ANKHD1: variants seen among roughly 807,000 people sequenced by gnomAD.
ANKHD1 encodes ankyrin repeat and KH domain containing 1.
Under a neutral mutation model 230.5 loss-of-function variants are expected in ANKHD1, and 31 were observed. The observed-to-expected ratio is 0.13, with a 90% CI of 0.10 to 0.18. The LOEUF (loss-of-function observed/expected upper bound fraction) is 0.18. Among genes scored for constraint, ANKHD1 ranks in the 10% least tolerant of loss-of-function variants. The pLI is 1.00. For synonymous variants in ANKHD1, 1,074 were observed against 1,117.6 expected (o/e 0.96, Z 0.78); for missense variants, 2,256 against 3,071.3 (o/e 0.73, Z 6.27).
Position 140,539,436 on chromosome 5 carries a change from C to T in ANKHD1, c.*18C>T. The T allele has an allele frequency of 6.2e-7, 1 of 1,609,120 alleles. No homozygotes were observed. On this transcript the variant is annotated 3_prime_UTR_variant, in exon 34 of 34. Transcript: ENST00000360839. ...TCAACTAAGTTAGAAGGTCTTTACTCTTTAGCCTTGTTTAAGAAACCTATG... is the reference window on the plus strand; with the variant it reads ...TCAACTAAGTTAGAAGGTCTTTACTTTTTAGCCTTGTTTAAGAAACCTATG...
intron 4 of ANKHD1, among the ~76,000 whole-genome samples, chr5:140,440,685 G>A (rs1455198126): frequency 1.3e-5 from 2 of 152,102 alleles, no homozygotes; most frequent in Admixed American, 6.6e-5. Context: ...TGTCTTGTGA[G>A]TATAGTTTTG....
At chr5:140,438,434 T>C (rs1273511498) in intron 2 of ANKHD1, 27 bp from the exon 3 acceptor site, 3 of 1,565,318 alleles carry the variant, frequency 1.9e-6, no homozygotes, top group Admixed American at 3.8e-5. Context: ...TGTTCTGCAC[T>C]ACCTGATTGA....
intron 24 of ANKHD1, among the ~76,000 whole-genome samples, chr5:140,515,217 G>A (rs1317124951): frequency 2.0e-5 from 3 of 151,652 alleles, no homozygotes; most frequent in African/African-American, 7.3e-5. Context: ...GGCAGAAGTT[G>A]CAGTGAGCTG....
chr5:140,516,325 G>T (rs566220157), intron 24 of ANKHD1, among the ~76,000 whole-genome samples: 28 of 152,320 alleles, frequency 1.8e-4, no homozygotes, highest in African/African-American at 5.8e-4. Flanking sequence ...TCTGATTGGT[G>T]TACCTGAAAG....
intron 7 of ANKHD1, among the ~76,000 whole-genome samples, chr5:140,454,226 C>G (rs1225133638): frequency 6.6e-6 from 1 of 152,084 alleles, no homozygotes; most frequent in Non-Finnish European, 1.5e-5. Context: ...CCTTAGAGAC[C>G]TACAAAGAGA....
chr5:140,502,062 C>T (rs1382776125), intron 15 of ANKHD1, among the ~76,000 whole-genome samples: 1 of 150,762 alleles, frequency 6.6e-6, no homozygotes, highest in Admixed American at 6.6e-5. Flanking sequence ...AAAAGCATAC[C>T]GTATAAGTTT....
chr5:140,425,498 A>C (rs948633582), intron 1 of ANKHD1, among the ~76,000 whole-genome samples: 1 of 151,648 alleles, frequency 6.6e-6, no homozygotes, highest in African/African-American at 2.4e-5. Flanking sequence ...AGCTCAAGCA[A>C]TCTGCCCACC....
chr5:140,445,022 G>GT (rs200034609), intron 5 of ANKHD1, among the ~76,000 whole-genome samples: 2,674 of 151,080 alleles, frequency 0.018, 76 homozygotes, highest in African/African-American at 0.056. Flanking sequence ...TCCTGGCTCA[G>GT]TTTTTTTTTA....
At chr5:140,478,994 T>TA (rs1383403887) in intron 10 of ANKHD1, among the ~76,000 whole-genome samples, 7 of 35,622 alleles carry the variant, frequency 2.0e-4, no homozygotes, top group South Asian at 2.7e-3. Context: ...TTTTTTTTAA[T>TA]TTTTATTTAT....
At chr5:140,408,789 ACT>A (rs1770689705) in intron 1 of ANKHD1, among the ~76,000 whole-genome samples, 1 of 151,906 alleles carries the variant, frequency 6.6e-6, no homozygotes, top group Non-Finnish European at 1.5e-5. Context: ...CATGGTCATA[ACT>A]CTATGTGGTC....
chr5:140,410,223 C>A (rs999664578), intron 1 of ANKHD1, among the ~76,000 whole-genome samples: 1 of 151,712 alleles, frequency 6.6e-6, no homozygotes, highest in East Asian at 1.9e-4. Flanking sequence ...GTGTATTTTC[C>A]CTACTGTTAC....
At chr5:140,537,338 G>T (rs768136070) in intron 30 of ANKHD1, 51 bp from the exon 31 acceptor site, 1 of 1,568,392 alleles carries the variant, frequency 6.4e-7, no homozygotes, top group East Asian at 2.3e-5. Flanking sequence ...TTGCCACCAG[G>T]TGACTCTCCT....
At position 140,402,024 on chromosome 5, in the gene ANKHD1, G is replaced by T; in HGVS notation, c.57G>T (p.Val19=). The T allele has an allele frequency of 6.6e-7, 1 of 1,510,424 alleles. No individual in the cohort carries two copies. The highest frequency in any genetic ancestry group is 8.8e-7 in the Non-Finnish European group (1 of 1,136,200). The allele number at this position is 1,510,424 out of a possible 1,614,324, so 93.6% of individuals were successfully genotyped here. ...CCTTTGAGGAGGACCTGGACTCTGT[G>T]GCTCCGCGATCCGCCCCAGCTGGGG... is the stretch of plus-strand genomic sequence containing the variant. ...GTSFEEDLDS[V]APRSAPAGAS... Residue 19 remains valine, a synonymous_variant, in exon 1 of 34, where the codon GTG becomes GTT. Coordinates refer to ENST00000360839, the MANE Select transcript of ANKHD1 (RefSeq NM_017747.3).
rs1335884959 is a variant in ANKHD1 at position 140,507,292 on chromosome 5, A to T, written c.3551+315A>T. On this transcript the variant is annotated intron_variant, in intron 19 of 33. Coordinates refer to ENST00000360839, the MANE Select transcript of ANKHD1 (RefSeq NM_017747.3). The surrounding 1 kb of genome is among the most constrained non-coding windows in gnomAD (Gnocchi z 4.1). Reference sequence around the variant, plus strand: ...GGAAATTTATAATCCCTAAATAGGAATTACATTTTATTTTTTAAGTTATTT... The same window carrying T: ...GGAAATTTATAATCCCTAAATAGGATTTACATTTTATTTTTTAAGTTATTT... 1.3e-5 allele frequency among the ~76,000 whole-genome samples: 2 copies of T among 152,138 alleles called. No individual in the cohort carries two copies. The highest frequency in any genetic ancestry group is 4.8e-5 in the African/African-American group (2 of 41,442).
Position 140,497,095 on chromosome 5 carries a change from T to G in ANKHD1, c.2821T>G (p.Leu941Val). ...TCCACAGTGTAACTTTTCCAGTGAC[T>G]TAGGTTCTAATGGGACAAATTCTCT... ...SSPQCNFSSD[L>V]GSNGTNSLEL... The change falls in exon 15 of 34, where the codon TTA (leucine) becomes GTA (valine). Residue 941 changes from leucine to valine, a missense_variant. Transcript: ENST00000360839. 2.5e-6 allele frequency: 4 copies of G among 1,614,198 alleles called. No homozygotes were observed. In the Middle Eastern group the frequency reaches 6.6e-4, roughly 266 times the overall value.
chr5:140,469,382 G>A (rs1232165929), intron 10 of ANKHD1, among the ~76,000 whole-genome samples: 1 of 150,838 alleles, frequency 6.6e-6, no homozygotes, highest in Non-Finnish European at 1.5e-5. Flanking sequence ...GTGGTTGTGC[G>A]TGTCTGTAGT....
intron 24 of ANKHD1, among the ~76,000 whole-genome samples, chr5:140,513,758 G>A (rs1046725798): frequency 6.7e-5 from 10 of 149,714 alleles, no homozygotes; most frequent in African/African-American, 2.2e-4. Flanking sequence ...GCAGTGAGTC[G>A]AGATCGTGCC....
intron 9 of ANKHD1, among the ~76,000 whole-genome samples, chr5:140,463,202 A>T (rs1295548702): frequency 2.0e-5 from 3 of 152,110 alleles, no homozygotes. Context: ...ATTTAAATAT[A>T]TAAGATGGCC....
chr5:140,507,639 A>G lies in ANKHD1; in HGVS notation c.3552-146A>G. 9.7e-7 allele frequency: 1 copy of G among 1,026,704 alleles called. No individual in the cohort carries two copies. The highest frequency in any genetic ancestry group is 2.6e-5 in the East Asian group (1 of 37,930). The allele number at this position is 1,026,704 out of a possible 1,614,324, so 63.6% of individuals were successfully genotyped here. A position where few individuals can be genotyped will look rare whatever the true frequency, so the allele number is the denominator to read the frequency against. ...ATGTTTTAAATTGTGACATTTTCTT[A>G]TTCTTTATTATTGGTCGAAACAAGT... On this transcript the variant is annotated intron_variant, in intron 19 of 33. Transcript: ENST00000360839. The surrounding 1 kb of genome is among the most constrained non-coding windows in gnomAD (Gnocchi z 4.1).
Sources: gnomAD v4.1 joint callset for allele counts (sites outside exome capture counted in the v4.1 genomes callset) on GRCh38, gnomAD v4.1.1 for gene constraint, Gnocchi (gnomAD v3.1) non-coding constraint, MANE v1.5 for transcripts, NCBI Gene and HGNC (gene_info 2026-07-23, HGNC 2026-07-21) for gene names.